NRP1: variants seen among roughly 807,000 people sequenced by gnomAD.
The protein encoded by NRP1 is neuropilin 1, also known as neuropilin-1.
Under a neutral mutation model 106.7 loss-of-function variants are expected in NRP1, and 35 were observed. That is an observed-to-expected ratio of 0.33 (90% CI 0.25 to 0.43). NRP1 has a LOEUF of 0.43. NRP1 is among the 20% of genes least tolerant of loss of function. The pLI is 1.00. For missense variants in NRP1, 1,024 were observed against 1,170.4 expected (o/e 0.87, Z 1.83); for synonymous variants, 437 against 417.9 (o/e 1.05, Z -0.56).
chr10:33,248,353 T>C (rs995388123), intron 6 of NRP1, among the ~76,000 whole-genome samples: 3 of 152,140 alleles, frequency 2.0e-5, no homozygotes, highest in Admixed American at 1.3e-4. Flanking sequence ...TGTTAGAGTA[T>C]GTGTCACAAT....
At chr10:33,261,380 A>C (rs997162704) in intron 4 of NRP1, among the ~76,000 whole-genome samples, 1 of 152,224 alleles carries the variant, frequency 6.6e-6, no homozygotes, top group Admixed American at 6.5e-5. Flanking sequence ...GAAAGCTGCA[A>C]ATTTGGGTTG....
At position 33,230,896 on chromosome 10, in the gene NRP1, G is replaced by A. The variant is rs75495018; in HGVS notation, c.982-4607C>T. ...GGCCCCAGTTGCAACACCTTAAAGA[G>A]TAGATGAAAAGTTTTCTCCTTCCCT... On this transcript the variant is annotated intron_variant, in intron 6 of 16. Transcript: ENST00000374867. 4.2e-3 allele frequency among the ~76,000 whole-genome samples: 647 copies of A among 152,262 alleles called. 4 individuals carry two copies. The highest frequency in any genetic ancestry group is 0.015 in the African/African-American group (612 of 41,556).
intron 13 of NRP1, among the ~76,000 whole-genome samples, chr10:33,188,615 G>A (rs919334820): frequency 1.8e-4 from 28 of 151,920 alleles, no homozygotes; most frequent in African/African-American, 5.3e-4. Context: ...GGTGGTCCAC[G>A]CCTGTAATCC....
At chr10:33,180,436 A>T in intron 16 of NRP1, 71 bp from the exon 17 acceptor site, 1 of 1,450,832 alleles carries the variant, frequency 6.9e-7, no homozygotes, top group South Asian at 1.4e-5. Context: ...AGAAAAATAG[A>T]AAGGAACGAA....
chr10:33,256,593 G>GCTT, intron 4 of NRP1, 122 bp from the exon 5 acceptor site: 2 of 1,027,266 alleles, frequency 1.9e-6, no homozygotes, highest in Non-Finnish European at 1.4e-6. Flanking sequence ...CCAAAGCAAG[G>GCTT]CTTCCCTAAG....
At chr10:33,279,871 C>T (rs1843985535) in intron 2 of NRP1, among the ~76,000 whole-genome samples, 1 of 152,164 alleles carries the variant, frequency 6.6e-6, no homozygotes, top group Non-Finnish European at 1.5e-5. Context: ...CAAGTGATGG[C>T]AGAGGCTATT....
At chr10:33,255,056 A>T (rs1166547806) in intron 5 of NRP1, among the ~76,000 whole-genome samples, 2 of 152,214 alleles carry the variant, frequency 1.3e-5, no homozygotes, top group Non-Finnish European at 2.9e-5. Flanking sequence ...TCCAAAGTAC[A>T]CAAGTGAAAA....
At chr10:33,210,414 A>G (rs1327235974) in intron 9 of NRP1, among the ~76,000 whole-genome samples, 1 of 152,224 alleles carries the variant, frequency 6.6e-6, no homozygotes, top group African/African-American at 2.4e-5. Context: ...ATTTATATCT[A>G]TGGAATCCCA....
chr10:33,249,084 GTTTTTTTTTTTT>G (rs750905931), intron 6 of NRP1, among the ~76,000 whole-genome samples: 11 of 72,198 alleles, frequency 1.5e-4, no homozygotes, highest in African/African-American at 5.2e-4. Flanking sequence ...TATGTCTCTT[GTTTTTTTTTTTT>G]TTTTTTTTTT....
intron 10 of NRP1, chr10:33,206,430 T>C (rs747968908): frequency 3.7e-5 from 16 of 437,046 alleles, no homozygotes; most frequent in Admixed American, 2.3e-4. Context: ...GAAAATGGCC[T>C]GCTTTTAAAT....
intron 2 of NRP1, among the ~76,000 whole-genome samples, chr10:33,308,805 A>C (rs1352815170): frequency 6.6e-6 from 1 of 152,158 alleles, no homozygotes; most frequent in African/African-American, 2.4e-5. Flanking sequence ...TTTTTAAAAA[A>C]TGCATATTTC....
chr10:33,296,857 C>T (rs547539264), intron 2 of NRP1, among the ~76,000 whole-genome samples: 5 of 151,896 alleles, frequency 3.3e-5, no homozygotes, highest in African/African-American at 1.2e-4. Context: ...GGCGAAACCC[C>T]GCCTCTACTA....
chr10:33,218,617 T>C (rs1417721055), intron 8 of NRP1, among the ~76,000 whole-genome samples: 2 of 152,150 alleles, frequency 1.3e-5, no homozygotes, highest in Non-Finnish European at 2.9e-5. Flanking sequence ...AGTGCTGGGA[T>C]TACAGGAGTG....
intron 9 of NRP1, among the ~76,000 whole-genome samples, chr10:33,209,675 C>G (rs1366991523): frequency 6.6e-6 from 1 of 152,142 alleles, no homozygotes; most frequent in East Asian, 1.9e-4. Flanking sequence ...CGGGGTTTCA[C>G]CATGTTGGCC....
intron 8 of NRP1, among the ~76,000 whole-genome samples, chr10:33,214,435 T>C (rs979936443): frequency 6.6e-6 from 1 of 152,174 alleles, no homozygotes; most frequent in Non-Finnish European, 1.5e-5. Flanking sequence ...TGCCTAGTCA[T>C]CTCGTCATTT....
intron 2 of NRP1, among the ~76,000 whole-genome samples, chr10:33,320,814 T>A (rs1478104426): frequency 6.6e-6 from 1 of 152,222 alleles, no homozygotes; most frequent in Non-Finnish European, 1.5e-5. Flanking sequence ...TTTGTCTTGC[T>A]GGGGTCTGCC....
intron 2 of NRP1, among the ~76,000 whole-genome samples, chr10:33,315,426 C>T (rs1439580839): frequency 6.6e-6 from 1 of 152,202 alleles, no homozygotes. Context: ...CTGGAGAAGT[C>T]TAATTGGATG....
At position 33,202,897 on chromosome 10, in the gene NRP1, G is replaced by C; in HGVS notation, c.1858C>G (p.Leu620Val). ...ATGAAGATGGTTTCTGCACCTGTGA[G>C]CTGGAAGTCATCACCTGTTCCACTG... Reference protein sequence around the residue: ...CHSGTGDDFQLTGGTTVLATE... With the variant: ...CHSGTGDDFQVTGGTTVLATE... The change falls in exon 11 of 17, where the codon CTC becomes GTC. Residue 620 changes from leucine to valine, a missense_variant. Physicochemically the swap from Leu to Val is conservative, Grantham distance 32. Around this residue, in one of 5 missense-constraint regions of NRP1, gnomAD observed 562 missense variants for 620.3 expected, o/e 0.91. Coordinates refer to ENST00000374867, the MANE Select transcript of NRP1 (RefSeq NM_003873.7). 1.2e-6 allele frequency: 2 copies of C among 1,614,218 alleles called. No individual in the cohort carries two copies. Among genetic ancestry groups the C allele is most frequent in the Non-Finnish European group, 8.5e-7 (1 of 1,180,040 alleles).
intron 2 of NRP1, among the ~76,000 whole-genome samples, chr10:33,306,085 A>G (rs1564473231): frequency 6.6e-6 from 1 of 152,122 alleles, no homozygotes; most frequent in African/African-American, 2.4e-5. Flanking sequence ...ATTTCTAACC[A>G]AAATTTTCAC....
Sources: allele counts gnomAD v4.1 joint callset (sites outside exome capture counted in the v4.1 genomes callset), GRCh38; gene constraint gnomAD v4.1.1; regional missense constraint gnomAD v4.1.1; transcripts MANE v1.5; gene names NCBI Gene and HGNC (gene_info 2026-07-23, HGNC 2026-07-21).